KIF2C: variants seen among roughly 807,000 people sequenced by gnomAD.
KIF2C encodes kinesin-like protein KIF2C.
In KIF2C, 34 loss-of-function variants were observed where a neutral mutation model predicts 97.4. The ratio of observed to expected loss-of-function variants is 0.35; its 90% CI spans 0.27 to 0.46. KIF2C has a LOEUF of 0.46. Ranked by LOEUF, KIF2C falls within the 20% of genes least tolerant of loss-of-function variation. The pLI is 1.00. For missense variants in KIF2C, 750 were observed against 907.6 expected (o/e 0.83, Z 2.23); for synonymous variants, 313 against 318.2 (o/e 0.98, Z 0.17).
intron 8 of KIF2C, among the ~76,000 whole-genome samples, chr1:44,755,240 A>G (rs891416777): frequency 6.0e-5 from 9 of 150,172 alleles, no homozygotes; most frequent in Non-Finnish European, 1.5e-5. Context: ...TTACAGGTGT[A>G]AGCTACTGTG....
chr1:44,760,430 C>T lies in KIF2C; in HGVS notation c.1518C>T (p.Asp506=), dbSNP rs753656494. Residue 506 remains aspartate (D), a synonymous_variant, in exon 15 of 21, where the codon GAC becomes GAT. Transcript: ENST00000372224. The surrounding 1 kb of genome is among the most constrained non-coding windows in gnomAD (Gnocchi z 4.2). ...GAGGCGCGGACACTTCCAGTGCTGA[C>T]CGGCAGACCCGCATGGAGGGCGCAG... ...NERGADTSSA[D]RQTRMEGAEI... 6.2e-7 allele frequency: 1 copy of T among 1,614,212 alleles called. No individual in the cohort carries two copies. The highest frequency in any genetic ancestry group is 1.1e-5 in the South Asian group (1 of 91,082).
intron 20 of KIF2C, 61 bp from the exon 21 acceptor site, chr1:44,767,035 GA>G (rs1424660972): frequency 1.4e-5 from 22 of 1,608,598 alleles, no homozygotes; most frequent in Non-Finnish European, 1.9e-5. Flanking sequence ...GCTCTGCCCT[GA>G]GTGAATGGGG....
chr1:44,758,880 A>T (rs1044433897), intron 13 of KIF2C, among the ~76,000 whole-genome samples: 1 of 151,926 alleles, frequency 6.6e-6, no homozygotes, highest in Admixed American at 6.6e-5. Context: ...CCGTCTCAAA[A>T]TAATAATAAT....
At chr1:44,742,202 C>A (rs570198239) in intron 2 of KIF2C, among the ~76,000 whole-genome samples, 1 of 151,752 alleles carries the variant, frequency 6.6e-6, no homozygotes, top group African/African-American at 2.4e-5. Context: ...CTCCGCCTCC[C>A]GGGTTCACGT....
chr1:44,742,200 C>T (rs1648969265), intron 2 of KIF2C, among the ~76,000 whole-genome samples: 1 of 151,818 alleles, frequency 6.6e-6, no homozygotes, highest in Non-Finnish European at 1.5e-5. Flanking sequence ...AGCTCCGCCT[C>T]CCGGGTTCAC....
chr1:44,763,498 T>G (rs977830756), intron 19 of KIF2C, among the ~76,000 whole-genome samples: 2 of 151,714 alleles, frequency 1.3e-5, no homozygotes, highest in Non-Finnish European at 2.9e-5. Context: ...AGTGAACAGG[T>G]GATGGAGGGT....
At position 44,760,895 on chromosome 1, in the gene KIF2C, A is replaced by G. The variant is rs1242358818; in HGVS notation, c.1683+193A>G. ...TTGTGGCCTAACCAAGCGTGGAGGA[A>G]AGGATCTATTCCCTTTAAGATGTGT... On this transcript the variant is annotated intron_variant, in intron 16 of 20. Transcript: ENST00000372224. The surrounding 1 kb of genome is among the most constrained non-coding windows in gnomAD (Gnocchi z 4.2). 3.4e-6 allele frequency: 2 copies of G among 583,670 alleles called. No individual in the cohort carries two copies. The allele number at this position is 583,670 out of a possible 1,614,324, so 36.2% of individuals were successfully genotyped here. A position where few individuals can be genotyped will look rare whatever the true frequency, so the allele number is the denominator to read the frequency against.
intron 7 of KIF2C, 125 bp downstream of exon 7, chr1:44,753,958 C>CTT (rs34685023): frequency 0.037 from 2,525 of 67,840 alleles, 660 homozygotes; most frequent in African/African-American, 0.19. Flanking sequence ...GGCCCCAATT[C>CTT]TTTTTTTTTT....
At chr1:44,745,924 T>C (rs1187179936) in intron 2 of KIF2C, among the ~76,000 whole-genome samples, 1 of 152,170 alleles carries the variant, frequency 6.6e-6, no homozygotes, top group Non-Finnish European at 1.5e-5. Flanking sequence ...TCGCCCAGGC[T>C]GGAGTGCAGT....
chr1:44,749,739 C>G (rs577303184), intron 4 of KIF2C, among the ~76,000 whole-genome samples: 2 of 152,192 alleles, frequency 1.3e-5, no homozygotes, highest in East Asian at 1.9e-4. Flanking sequence ...GAGCCAAGAT[C>G]ATGCCACTGC....
intron 2 of KIF2C, among the ~76,000 whole-genome samples, chr1:44,746,139 A>G (rs1285628696): frequency 1.3e-5 from 2 of 152,118 alleles, no homozygotes; most frequent in Non-Finnish European, 2.9e-5. Context: ...CGGCCTCCCA[A>G]AGTGCTGGGG....
chr1:44,743,868 G>A lies in KIF2C; in HGVS notation c.165+2861G>A, dbSNP rs148447050. Among the ~76,000 whole-genome samples the A allele has an allele frequency of 1.0e-3, 156 of 152,328 alleles. 2 individuals are homozygous for A. The East Asian group carries it at 0.029, about 28-fold the overall frequency. On this transcript the variant is annotated intron_variant, in intron 2 of 20. Coordinates refer to ENST00000372224, the MANE Select transcript of KIF2C (RefSeq NM_006845.4). ...AGAGATATTTAGGTGGTATATTTGAGAAATAAAAGGATTGAATACTTTCCA... is the reference window on the plus strand; with the variant it reads ...AGAGATATTTAGGTGGTATATTTGAAAAATAAAAGGATTGAATACTTTCCA...
At position 44,740,987 on chromosome 1, in the gene KIF2C, G is replaced by C; in HGVS notation, c.145G>C (p.Gly49Arg). 6.2e-7 allele frequency: 1 copy of C among 1,613,666 alleles called. No individual in the cohort carries two copies. The highest frequency in any genetic ancestry group is 8.5e-7 in the Non-Finnish European group (1 of 1,179,662). Residue 49 changes from glycine to arginine, a missense_variant, in exon 2 of 21, where the codon GGT becomes CGT. Transcript: ENST00000372224. ...SCVSVEWAEG[G>R]ATKGKEIDFD... ...TGTTTCAGTGGAATGGGCAGAAGGA[G>C]GTGCCACAAAGGGCAAAGAGGTAGG...
At chr1:44,747,600 C>G in intron 3 of KIF2C, 52 bp from the exon 4 acceptor site, 1 of 1,591,334 alleles carries the variant, frequency 6.3e-7, no homozygotes, top group Admixed American at 1.7e-5. Context: ...CAGGATGGGC[C>G]CTTGAGAATT....
At chr1:44,757,704 A>G (rs1300626898) in intron 11 of KIF2C, 58 bp downstream of exon 11, 5 of 1,259,444 alleles carry the variant, frequency 4.0e-6, no homozygotes, top group African/African-American at 1.5e-5. Flanking sequence ...CTGGCTCCCT[A>G]TAAAGGGAGA....
chr1:44,760,778 C>A lies in KIF2C; in HGVS notation c.1683+76C>A. 8.1e-7 allele frequency: 1 copy of A among 1,231,110 alleles called. No individual in the cohort carries two copies. The highest frequency in any genetic ancestry group is 1.3e-5 in the South Asian group (1 of 78,452). The allele number at this position is 1,231,110 out of a possible 1,614,324, so 76.3% of individuals were successfully genotyped here. On this transcript the variant is annotated intron_variant, in intron 16 of 20. Coordinates refer to ENST00000372224, the MANE Select transcript of KIF2C (RefSeq NM_006845.4). This position sits in a 1 kb window ranked among gnomAD's most constrained non-coding sequence, Gnocchi z 4.2. ...TTCCACAGAGACACTTAGTCCTGTC[C>A]CTGGGCTGGAAGCTCAGCACTGCTG...
intron 7 of KIF2C, 149 bp downstream of exon 7, chr1:44,753,982 T>A (rs565426973): frequency 2.4e-6 from 1 of 422,928 alleles, no homozygotes; most frequent in East Asian, 4.0e-5. Context: ...TTTTTTTTTT[T>A]TTTGCTCTGT....
chr1:44,760,337 AATT>A lies in KIF2C; in HGVS notation c.1429_1431del (p.Ile477del). On this transcript the variant is annotated inframe_deletion, in exon 15 of 21. Transcript: ENST00000372224. The surrounding 1 kb of genome is among the most constrained non-coding windows in gnomAD (Gnocchi z 4.2). ...CCTCCCGCTCCCACGCGTGCTTCCA[AATT>A]ATTCTTCGAGCTAAAGGGAGAATGC... 1 of 1,614,152 alleles carries A rather than the reference AATT, an allele frequency of 6.2e-7. No individual in the cohort carries two copies. The highest frequency in any genetic ancestry group is 8.5e-7 in the Non-Finnish European group (1 of 1,180,040).
intron 4 of KIF2C, among the ~76,000 whole-genome samples, chr1:44,749,083 G>A (rs1304003893): frequency 1.3e-5 from 2 of 152,146 alleles, no homozygotes; most frequent in East Asian, 1.9e-4. Context: ...GATCACCTGA[G>A]GTCAGGAGTT....
Sources: allele counts gnomAD v4.1 joint callset (sites outside exome capture counted in the v4.1 genomes callset), GRCh38; gene constraint gnomAD v4.1.1; non-coding constraint Gnocchi (gnomAD v3.1); transcripts MANE v1.5; gene names NCBI Gene and HGNC (gene_info 2026-07-23, HGNC 2026-07-21).